The following NXPH1 variants were observed in gnomAD, a reference collection of about 807,000 sequenced individuals.
The protein encoded by NXPH1 is neurexophilin-1.
In NXPH1, 5 loss-of-function variants were observed where a neutral mutation model predicts 23.7. The ratio of observed to expected loss-of-function variants is 0.21; its 90% CI spans 0.11 to 0.44. The LOEUF (loss-of-function observed/expected upper bound fraction) is 0.44. Among genes scored for constraint, NXPH1 ranks in the 20% least tolerant of loss-of-function variants. The pLI is 0.99. For synonymous variants in NXPH1, 144 were observed against 122.2 expected (o/e 1.18, Z -1.18); for missense variants, 324 against 321.6 (o/e 1.01, Z -0.06).
intron 2 of NXPH1, among the ~76,000 whole-genome samples, chr7:8,509,185 A>G (rs916950797): frequency 2.0e-5 from 3 of 152,122 alleles, no homozygotes; most frequent in Non-Finnish European, 2.9e-5. Context: ...TGCAAAACTT[A>G]TATATCTTAT....
At chr7:8,654,435 C>T (rs1820541215) in intron 2 of NXPH1, among the ~76,000 whole-genome samples, 2 of 152,156 alleles carry the variant, frequency 1.3e-5, no homozygotes, top group African/African-American at 2.4e-5. Context: ...TCTGAATTTT[C>T]ACCACTAAAA....
intron 2 of NXPH1, among the ~76,000 whole-genome samples, chr7:8,721,527 G>A (rs528380746): frequency 6.6e-6 from 1 of 152,218 alleles, no homozygotes; most frequent in South Asian, 2.1e-4. Context: ...TGTAATCCCA[G>A]CACTTTGGGA....
intron 2 of NXPH1, among the ~76,000 whole-genome samples, chr7:8,446,399 T>C (rs1380143764): frequency 6.6e-6 from 1 of 152,210 alleles, no homozygotes; most frequent in Non-Finnish European, 1.5e-5. Flanking sequence ...AAGAAATTTA[T>C]GGGTCACAAA....
intron 2 of NXPH1, among the ~76,000 whole-genome samples, chr7:8,441,136 C>A (rs1248640762): frequency 1.3e-5 from 2 of 152,160 alleles, no homozygotes; most frequent in Non-Finnish European, 2.9e-5. Flanking sequence ...CATTTTAAGA[C>A]CTTAACAGTC....
chr7:8,695,757 G>T (rs6463834), intron 2 of NXPH1, among the ~76,000 whole-genome samples: 1 of 152,058 alleles, frequency 6.6e-6, no homozygotes, highest in South Asian at 2.1e-4. Context: ...AGAAAAAATA[G>T]CCTACAAATG....
At chr7:8,517,847 G>T (rs1216649993) in intron 2 of NXPH1, among the ~76,000 whole-genome samples, 1 of 152,152 alleles carries the variant, frequency 6.6e-6, no homozygotes, top group Non-Finnish European at 1.5e-5. Context: ...GATAATCCCT[G>T]ACATCTCTGA....
chr7:8,562,687 A>G lies in NXPH1; in HGVS notation c.54+126920A>G, dbSNP rs142584070. ...GGATATCCTAATAGATAATATCCTA[A>G]TGGATATTGTCTTAACATATCCTAA... On this transcript the variant is annotated intron_variant, in intron 2 of 2. Transcript: ENST00000405863. 3.1e-3 allele frequency among the ~76,000 whole-genome samples: 466 copies of G among 151,866 alleles called. 3 individuals are homozygous for G. Among genetic ancestry groups the G allele is most frequent in the African/African-American group, 9.9e-3 (409 of 41,502 alleles).
At chr7:8,438,930 T>TC in intron 2 of NXPH1, among the ~76,000 whole-genome samples, 1 of 152,290 alleles carries the variant, frequency 6.6e-6, no homozygotes, top group Non-Finnish European at 1.5e-5. Flanking sequence ...AGAGTTACCT[T>TC]CTGAAGCATG....
chr7:8,734,055 G>T lies in NXPH1; in HGVS notation c.55-16953G>T, dbSNP rs190679484. ...CATACTGAGTTAATTTTTGTATAAGGTGTAAGGAAGGGGTCCAGTTTCTGT... is the reference window on the plus strand; with the variant it reads ...CATACTGAGTTAATTTTTGTATAAGTTGTAAGGAAGGGGTCCAGTTTCTGT... On this transcript the variant is annotated intron_variant, in intron 2 of 2. Coordinates refer to ENST00000405863, the MANE Select transcript of NXPH1 (RefSeq NM_152745.3). Among the ~76,000 whole-genome samples, 98 of 152,256 alleles carry T rather than the reference G, an allele frequency of 6.4e-4. 1 individual carries two copies. Among genetic ancestry groups the T allele is most frequent in the Admixed American group, 4.3e-3 (66 of 15,282 alleles).
chr7:8,480,952 C>T (rs142729337), intron 2 of NXPH1, among the ~76,000 whole-genome samples: 96 of 152,270 alleles, frequency 6.3e-4, no homozygotes, highest in Non-Finnish European at 1.1e-3. Flanking sequence ...TTTTTATCTT[C>T]CAGACACTTC....
chr7:8,654,190 T>G (rs978848855), intron 2 of NXPH1, among the ~76,000 whole-genome samples: 1 of 152,130 alleles, frequency 6.6e-6, no homozygotes, highest in Non-Finnish European at 1.5e-5. Flanking sequence ...GAATTAGTGT[T>G]GAAACTTTTT....
At chr7:8,552,120 A>AC (rs1562399833) in intron 2 of NXPH1, among the ~76,000 whole-genome samples, 5 of 147,044 alleles carry the variant, frequency 3.4e-5, no homozygotes, top group East Asian at 2.0e-4. Context: ...AAACCAAAAA[A>AC]AAAAAAAAAA....
rs555054708 is a variant in NXPH1, at chr7:8,626,327, C to A, written c.55-124681C>A. On this transcript the variant is annotated intron_variant, in intron 2 of 2. Coordinates refer to ENST00000405863, the MANE Select transcript of NXPH1 (RefSeq NM_152745.3). ...TATTCCAAACTGCAACTTTGTTGAA[C>A]CTCATGGACTATAATTCTGATGTGT... Among the ~76,000 whole-genome samples, 151 of 151,968 alleles carry A rather than the reference C, an allele frequency of 9.9e-4. 1 individual carries two copies. The highest frequency in any genetic ancestry group is 6.8e-4 in the Non-Finnish European group (46 of 67,970).
intron 2 of NXPH1, among the ~76,000 whole-genome samples, chr7:8,457,159 T>G (rs1711713405): frequency 1.3e-5 from 2 of 152,202 alleles, no homozygotes; most frequent in African/African-American, 4.8e-5. Context: ...GGAAGAGGCA[T>G]TAATTCTTGG....
At position 8,736,007 on chromosome 7, in the gene NXPH1, T is replaced by C. The variant is rs556524754; in HGVS notation, c.55-15001T>C. ...TCCCCTTTATCATTTTTATTGTGCC[T>C]ATTCGATTCTTCTCTTTTATTCTTT... On this transcript the variant is annotated intron_variant, in intron 2 of 2. Coordinates refer to ENST00000405863, the MANE Select transcript of NXPH1 (RefSeq NM_152745.3). Among the ~76,000 whole-genome samples the C allele has an allele frequency of 2.6e-5, 4 of 152,314 alleles. No homozygotes were observed. In the East Asian group the frequency reaches 7.7e-4, roughly 29 times the overall value.
intron 2 of NXPH1, among the ~76,000 whole-genome samples, chr7:8,699,364 T>C (rs1245072507): frequency 6.6e-6 from 1 of 152,118 alleles, no homozygotes; most frequent in Non-Finnish European, 1.5e-5. Context: ...AGATCTTCAG[T>C]TTTTATCTCT....
At chr7:8,534,317 A>G (rs1448464675) in intron 2 of NXPH1, among the ~76,000 whole-genome samples, 2 of 152,166 alleles carry the variant, frequency 1.3e-5, no homozygotes, top group African/African-American at 4.8e-5. Flanking sequence ...CACTGGAAAC[A>G]TTCCATTTTC....
intron 2 of NXPH1, among the ~76,000 whole-genome samples, chr7:8,523,751 A>C (rs922107226): frequency 1.1e-4 from 16 of 152,104 alleles, no homozygotes; most frequent in African/African-American, 3.9e-4. Context: ...GTTAAACCTA[A>C]ATTTCTCTTT....
intron 2 of NXPH1, among the ~76,000 whole-genome samples, chr7:8,448,737 C>T (rs1232403911): frequency 6.7e-6 from 1 of 149,086 alleles, no homozygotes; most frequent in Non-Finnish European, 1.5e-5. Flanking sequence ...ATTGCTTGAA[C>T]CTGGGAGGGG....
Sources: gnomAD v4.1 joint callset for allele counts (sites outside exome capture counted in the v4.1 genomes callset) on GRCh38, gnomAD v4.1.1 for gene constraint, MANE v1.5 for transcripts, NCBI Gene and HGNC (gene_info 2026-07-23, HGNC 2026-07-21) for gene names.